ADAM22: variants seen among roughly 807,000 people sequenced by gnomAD.
ADAM22 encodes disintegrin and metalloproteinase domain-containing protein 22.
Under a neutral mutation model 144.6 loss-of-function variants are expected in ADAM22, and 65 were observed. The ratio of observed to expected loss-of-function variants is 0.45; its 90% confidence interval spans 0.37 to 0.55. The LOEUF is 0.55. ADAM22 is among the 20% of genes least tolerant of loss of function. The probability of loss-of-function intolerance (pLI) is 0.00; values close to 1 mark genes in which losing one functional copy is unlikely to be tolerated. For synonymous variants in ADAM22, 391 were observed against 412.6 expected, an observed-to-expected ratio of 0.95 and a Z score of 0.63; for missense variants, 974 against 1,184.9, an observed-to-expected ratio of 0.82 and a Z score of 2.61.
At chr7:88,004,599 AC>A (rs1793346945) in intron 3 of ADAM22, among the ~76,000 whole-genome samples, 1 of 152,152 alleles carries the variant, frequency 6.6e-6, no homozygotes, top group African/African-American at 2.4e-5. Flanking sequence ...GTGTAAGGCC[AC>A]CCCTGGAATA....
At chr7:88,164,572 G>T (rs1405296622) in intron 23 of ADAM22, among the ~76,000 whole-genome samples, 3 of 152,028 alleles carry the variant, frequency 2.0e-5, no homozygotes, top group Non-Finnish European at 4.4e-5. Context: ...GCCTGGGTTT[G>T]AATCCCAACT....
rs747898058 is a variant in ADAM22 at position 88,145,436 on chromosome 7, G to C, written c.1414G>C (p.Glu472Gln). ...TTAGGAATGTGTCCTTGAAGGAGCA[G>C]AGTGTTGTAAGAAATGCACCTTGAC... ...TPAECVLEGA[E>Q]CCKKCTLTQD... Residue 472 changes from glutamate to glutamine, a missense_variant, in exon 17 of 32, where the codon GAG becomes CAG. Glu to Gln is a conservative substitution (Grantham distance 29). Transcript: ENST00000413139. 3 of 1,613,638 alleles carry C rather than the reference G, an allele frequency of 1.9e-6. No homozygotes were observed. The South Asian group carries it at 3.3e-5, about 18-fold the overall frequency.
chr7:88,189,090 G>A (rs1849000289), intron 30 of ADAM22, among the ~76,000 whole-genome samples: 1 of 152,192 alleles, frequency 6.6e-6, no homozygotes, highest in African/African-American at 2.4e-5. Context: ...CAAGGCAAAT[G>A]CCTAAATAGA....
intron 2 of ADAM22, among the ~76,000 whole-genome samples, chr7:87,976,702 TGA>T (rs1338910875): frequency 1.3e-5 from 2 of 151,892 alleles, no homozygotes; most frequent in Non-Finnish European, 2.9e-5. Context: ...AATTAATGAA[TGA>T]AAAAGCCACA....
chr7:88,071,098 G>C (rs1378005328), intron 3 of ADAM22, among the ~76,000 whole-genome samples: 1 of 152,092 alleles, frequency 6.6e-6, no homozygotes, highest in Non-Finnish European at 1.5e-5. Flanking sequence ...ATTGAGGTTT[G>C]GTCAAGCAAG....
chr7:88,187,707 T>C (rs1439078999), intron 30 of ADAM22, among the ~76,000 whole-genome samples: 1 of 152,192 alleles, frequency 6.6e-6, no homozygotes, highest in Non-Finnish European at 1.5e-5. Flanking sequence ...TGGGTCAACA[T>C]TGAACAGATA....
chr7:87,963,605 A>G (rs1393418288), intron 2 of ADAM22, among the ~76,000 whole-genome samples: 1 of 152,218 alleles, frequency 6.6e-6, no homozygotes, highest in African/African-American at 2.4e-5. Flanking sequence ...AGAGGCAAGA[A>G]TTACAGAGTC....
At chr7:88,034,372 C>T (rs986170852) in intron 3 of ADAM22, among the ~76,000 whole-genome samples, 2 of 152,186 alleles carry the variant, frequency 1.3e-5, no homozygotes, top group African/African-American at 4.8e-5. Flanking sequence ...CACGACTCTT[C>T]CCAGTGCCAT....
At chr7:88,061,846 T>C (rs954111837) in intron 3 of ADAM22, among the ~76,000 whole-genome samples, 1 of 148,622 alleles carries the variant, frequency 6.7e-6, no homozygotes, top group East Asian at 2.0e-4. Flanking sequence ...TCTCTTTTTT[T>C]TTTTTTTTTT....
chr7:88,058,082 A>G (rs568918916), intron 3 of ADAM22, among the ~76,000 whole-genome samples: 1 of 152,352 alleles, frequency 6.6e-6, no homozygotes, highest in South Asian at 2.1e-4. Context: ...TAAACTAACA[A>G]GAATAAAACA....
chr7:88,012,023 G>A (rs1795547222), intron 3 of ADAM22, among the ~76,000 whole-genome samples: 1 of 137,152 alleles, frequency 7.3e-6, no homozygotes, highest in African/African-American at 2.8e-5. Context: ...AGAGTATTGT[G>A]TTCTGTTTTT....
intron 3 of ADAM22, among the ~76,000 whole-genome samples, chr7:88,029,929 T>G (rs1799861389): frequency 6.6e-6 from 1 of 152,136 alleles, no homozygotes. Context: ...AGTCTGATTA[T>G]TAAAAACCTT....
intron 3 of ADAM22, among the ~76,000 whole-genome samples, chr7:88,052,685 C>A (rs888883355): frequency 3.9e-5 from 6 of 152,124 alleles, no homozygotes; most frequent in African/African-American, 1.4e-4. Flanking sequence ...TTGTTTATCT[C>A]TATTGTTCCT....
At chr7:88,011,973 C>A (rs996307494) in intron 3 of ADAM22, among the ~76,000 whole-genome samples, 16 of 151,000 alleles carry the variant, frequency 1.1e-4, no homozygotes, top group African/African-American at 3.9e-4. Context: ...TCTAATTATG[C>A]ATAAGTCACA....
intron 3 of ADAM22, among the ~76,000 whole-genome samples, chr7:88,008,026 C>G (rs1794395545): frequency 6.6e-6 from 1 of 152,172 alleles, no homozygotes; most frequent in Admixed American, 6.5e-5. Context: ...TATCCAGAAT[C>G]TACAACGAAC....
In ADAM22 at chr7:88,170,627, C is replaced by A. The variant is rs116629284; in HGVS notation, c.2283-917C>A. ...AAATTGGCACCTTTGCCGTCATGTGCCCGTTATCAAACGTGATATGTATAA... is the reference window on the plus strand; with the variant it reads ...AAATTGGCACCTTTGCCGTCATGTGACCGTTATCAAACGTGATATGTATAA... On this transcript the variant is annotated intron_variant, in intron 25 of 31. Coordinates refer to ENST00000413139, the MANE Select transcript of ADAM22 (RefSeq NM_001324418.2). 8.7e-3 allele frequency among the ~76,000 whole-genome samples: 1,319 copies of A among 151,980 alleles called. 22 individuals carry two copies. The highest frequency in any genetic ancestry group is 0.03 in the African/African-American group (1,254 of 41,510).
intron 30 of ADAM22, among the ~76,000 whole-genome samples, chr7:88,189,998 C>T (rs1333258238): frequency 6.6e-6 from 1 of 152,040 alleles, no homozygotes; most frequent in Non-Finnish European, 1.5e-5. Flanking sequence ...TACTATAAAA[C>T]TCACATATGA....
chr7:88,091,300 T>C (rs986455211), intron 4 of ADAM22, among the ~76,000 whole-genome samples: 1 of 152,196 alleles, frequency 6.6e-6, no homozygotes, highest in South Asian at 2.1e-4. Flanking sequence ...CTCATCTTAA[T>C]GGAATTAAAA....
intron 2 of ADAM22, among the ~76,000 whole-genome samples, chr7:87,962,363 G>T (rs964583200): frequency 2.6e-5 from 4 of 152,118 alleles, no homozygotes; most frequent in Non-Finnish European, 4.4e-5. Flanking sequence ...CACATTCTTT[G>T]TGCTAAGCAA....
Sources: allele counts gnomAD v4.1 joint callset (sites outside exome capture counted in the v4.1 genomes callset), GRCh38; gene constraint gnomAD v4.1.1; transcripts MANE v1.5; gene names NCBI Gene and HGNC (gene_info 2026-07-23, HGNC 2026-07-21).